Variants in FBXO17 observed in about 807,000 individuals in gnomAD.
FBXO17 encodes the protein F-box protein 17, also known as F-box only protein 17.
A neutral mutation model predicts 34.1 loss-of-function variants in FBXO17; 43 were observed. The ratio of observed to expected loss-of-function variants is 1.26; its 90% CI spans 0.99 to 1.62. FBXO17 has a LOEUF of 1.62. Among genes scored for constraint, FBXO17 ranks in the 40% most tolerant of loss-of-function variants. The pLI is 0.00. For missense variants in FBXO17, 424 were observed against 386.7 expected, an observed-to-expected ratio of 1.10 and a Z score of -0.81; for synonymous variants, 169 against 166.0, an observed-to-expected ratio of 1.02 and a Z score of -0.14.
At chr19:38,958,202 A>G (rs930294831) in intron 1 of FBXO17, among the ~76,000 whole-genome samples, 2 of 151,668 alleles carry the variant, frequency 1.3e-5, no homozygotes, top group African/African-American at 4.8e-5. Flanking sequence ...ACCTGAGGTT[A>G]GGGGTTTGAG....
intron 1 of FBXO17, among the ~76,000 whole-genome samples, chr19:38,966,489 A>G (rs1975324074): frequency 1.3e-5 from 2 of 152,088 alleles, no homozygotes. Context: ...TCATTTTGCA[A>G]TGGGCCATGC....
At position 38,954,263 on chromosome 19, in the gene FBXO17, T is replaced by C. The variant is rs924687510; in HGVS notation, c.-17-3927A>G. Among the ~76,000 whole-genome samples the C allele has an allele frequency of 2.6e-5, 4 of 152,116 alleles. No individual in the cohort carries two copies. In the East Asian group the frequency reaches 7.7e-4, roughly 29 times the overall value. On this transcript the variant is annotated intron_variant, in intron 1 of 5. Transcript: ENST00000292852. ...GGCAAGGGTGTGTGCAGAGAATGTG[T>C]TATTTTTTATTTATTTACTTTTTTG...
intron 1 of FBXO17, 66 bp from the exon 2 acceptor site, chr19:38,950,402 C>A: frequency 7.2e-7 from 1 of 1,386,460 alleles, no homozygotes; most frequent in Non-Finnish European, 9.3e-7. Flanking sequence ...TACCTTGTCC[C>A]CCAGGGCGCA....
At chr19:38,955,255 G>T (rs1975151354) in intron 1 of FBXO17, among the ~76,000 whole-genome samples, 1 of 151,834 alleles carries the variant, frequency 6.6e-6, no homozygotes, top group South Asian at 2.1e-4. Flanking sequence ...TTGAGACAGG[G>T]TCTTGCTTCT....
chr19:38,971,699 A>T (rs111622452), intron 1 of FBXO17, among the ~76,000 whole-genome samples: 5,408 of 151,878 alleles, frequency 0.036, 294 homozygotes, highest in African/African-American at 0.12. Context: ...AAGTGGGAGG[A>T]TCACTTGAGC....
intron 2 of FBXO17, among the ~76,000 whole-genome samples, chr19:38,949,498 T>G (rs1975037715): frequency 6.6e-6 from 1 of 151,762 alleles, no homozygotes; most frequent in Non-Finnish European, 1.5e-5. Context: ...ACTCCCAAAA[T>G]GCTGGGATTA....
At chr19:38,948,961 A>G (rs1362842706) in intron 2 of FBXO17, among the ~76,000 whole-genome samples, 1 of 151,978 alleles carries the variant, frequency 6.6e-6, no homozygotes, top group African/African-American at 2.4e-5. Context: ...ACAGGGTCTC[A>G]CTCTGTCGCC....
rs1339651779 is a variant in FBXO17, at chr19:38,962,199, A to AAAT, written c.-17-11864_-17-11863insATT. Among the ~76,000 whole-genome samples, 4 of 151,652 alleles carry AAAT rather than the reference A, an allele frequency of 2.6e-5. No individual in the cohort carries two copies. The East Asian group carries it at 7.7e-4, about 29-fold the overall frequency. ...GAGCGAAACTTCGTCTCAAAAAAAAAAAATAAAAAAAAATAAATAATAATT... is the reference window on the plus strand; with the variant it reads ...GAGCGAAACTTCGTCTCAAAAAAAAAAATAAATAAAAAAAAATAAATAATAATT... On this transcript the variant is annotated intron_variant, in intron 1 of 5. Coordinates refer to ENST00000292852, the MANE Select transcript of FBXO17 (RefSeq NM_024907.7).
intron 5 of FBXO17, 55 bp downstream of exon 5, chr19:38,944,914 T>C (rs1177137515): frequency 6.2e-7 from 1 of 1,604,826 alleles, no homozygotes; most frequent in Non-Finnish European, 8.5e-7. Context: ...GACGAGAGGC[T>C]GGGCGTGTGT....
chr19:38,952,520 A>C, intron 1 of FBXO17: 1 of 533,930 alleles, frequency 1.9e-6, no homozygotes, highest in South Asian at 1.4e-5. Context: ...CTACTTCCTG[A>C]CCATTCTCCC....
intron 1 of FBXO17, among the ~76,000 whole-genome samples, chr19:38,955,615 C>T (rs571920401): frequency 1.6e-4 from 25 of 151,572 alleles, no homozygotes; most frequent in Admixed American, 3.3e-4. Flanking sequence ...TCCTGATTAG[C>T]TGGGACTACA....
intron 1 of FBXO17, among the ~76,000 whole-genome samples, chr19:38,969,623 A>ATC (rs1164006343): frequency 1.7e-5 from 2 of 121,136 alleles, no homozygotes; most frequent in African/African-American, 6.8e-5. Flanking sequence ...TTGAGACTGA[A>ATC]TCTCACTCTA....
chr19:38,970,375 T>G (rs1975376891), intron 1 of FBXO17, among the ~76,000 whole-genome samples: 1 of 151,892 alleles, frequency 6.6e-6, no homozygotes, highest in South Asian at 2.1e-4. Context: ...GCCTGGCTAA[T>G]TTTTGTGTTT....
Position 38,950,052 on chromosome 19 carries a change from C to T in FBXO17, c.268G>A (p.Glu90Lys), listed in dbSNP as rs767602534. ...RCLPSNEDKEEFPLCALARYC... is the reference protein window; with the variant it reads ...RCLPSNEDKEKFPLCALARYC... Reference sequence around the variant, plus strand: ...CGCGCCAGGGCGCACAGCGGGAACTCCTCCTTGTCTTCGTTGCTGGGCAGG... The same window carrying T: ...CGCGCCAGGGCGCACAGCGGGAACTTCTCCTTGTCTTCGTTGCTGGGCAGG... Residue 90 changes from glutamate (E) to lysine (K), a missense_variant, in exon 2 of 6, where the codon GAG becomes AAG. Coordinates refer to ENST00000292852, the MANE Select transcript of FBXO17 (RefSeq NM_024907.7). The T allele has an allele frequency of 5.1e-6, 8 of 1,568,788 alleles. No individual in the cohort carries two copies. In the East Asian group the frequency reaches 1.9e-4, roughly 37 times the overall value.
intron 1 of FBXO17, among the ~76,000 whole-genome samples, chr19:38,960,804 G>T (rs529476557): frequency 8.8e-5 from 9 of 102,482 alleles, no homozygotes; most frequent in African/African-American, 3.7e-4. Context: ...CCCTGCACCC[G>T]GCCACTTTTT....
chr19:38,942,655 C>A lies in FBXO17; in HGVS notation c.790G>T (p.Ala264Ser). The A allele has an allele frequency of 6.3e-7, 1 of 1,599,402 alleles. No individual in the cohort carries two copies. ...CTCACACTGGAGTGGGTCACAAGGG[C>A]GCCATAGTGCCCCACCCAGGAACTC... ...DVSSWVGHYGALVTHSSVRVR... is the reference protein window; with the variant it reads ...DVSSWVGHYGSLVTHSSVRVR... Residue 264 changes from alanine (A) to serine (S), a missense_variant, in exon 6 of 6, where the codon GCC (alanine) becomes TCC (serine). Transcript: ENST00000292852.
At chr19:38,952,467 C>T in intron 1 of FBXO17, 2 of 521,342 alleles carry the variant, frequency 3.8e-6, no homozygotes, top group Non-Finnish European at 7.9e-6. Context: ...ACCCAGCTCT[C>T]CTGTGGGCCT....
rs529640388 is a variant in FBXO17, at chr19:38,967,590, T to C, written c.-18+7996A>G. Among the ~76,000 whole-genome samples the C allele has an allele frequency of 4.8e-4, 73 of 150,828 alleles. 1 individual carries two copies. Among genetic ancestry groups the C allele is most frequent in the East Asian group, 2.0e-4 (1 of 5,090 alleles). ...GCAATTTTTTTTTTTTTTTGAGATA[T>C]GGTCTTCTCTGTTGCTCAGGCTGGA... On this transcript the variant is annotated intron_variant, in intron 1 of 5. Coordinates refer to ENST00000292852, the MANE Select transcript of FBXO17 (RefSeq NM_024907.7).
In FBXO17 at chr19:38,948,009, CT is replaced by C. The variant is rs766305274; in HGVS notation, c.461+557del. On this transcript the variant is annotated intron_variant, in intron 3 of 5. Coordinates refer to ENST00000292852, the MANE Select transcript of FBXO17 (RefSeq NM_024907.7). ...CTTGGGTGCTAATCTGCCATGTTCCCTTTTTTTTTTTTTTTGAGACAGAGTC... is the reference window on the plus strand; with the variant it reads ...CTTGGGTGCTAATCTGCCATGTTCCCTTTTTTTTTTTTTTGAGACAGAGTC... Among the ~76,000 whole-genome samples, 413 of 137,716 alleles carry C rather than the reference CT, an allele frequency of 3.0e-3. 1 individual carries two copies. The highest frequency in any genetic ancestry group is 0.014 in the East Asian group (65 of 4,594). The allele number at this position is 137,716 out of a possible 152,430, so 90.3% of individuals were successfully genotyped here. A position where few individuals can be genotyped will look rare whatever the true frequency, so the allele number is the denominator to read the frequency against.
Sources: gnomAD v4.1 joint callset for allele counts (sites outside exome capture counted in the v4.1 genomes callset) on GRCh38, gnomAD v4.1.1 for gene constraint, MANE v1.5 for transcripts, NCBI Gene and HGNC (gene_info 2026-07-23, HGNC 2026-07-21) for gene names.